Variants in DYRK1B observed in about 807,000 individuals in gnomAD.
The protein encoded by DYRK1B is dual specificity tyrosine-phosphorylation-regulated kinase 1B.
In DYRK1B, 20 loss-of-function variants were observed where a neutral mutation model predicts 57.1. The observed-to-expected ratio is 0.35, with a 90% confidence interval of 0.25 to 0.51. DYRK1B has a LOEUF of 0.51. DYRK1B is among the 20% of genes least tolerant of loss of function. The probability of loss-of-function intolerance (pLI) is 0.96; values close to 1 mark genes in which losing one functional copy is unlikely to be tolerated. For synonymous variants in DYRK1B, 409 were observed against 384.7 expected (o/e 1.06, Z -0.74); for missense variants, 732 against 886.3 (o/e 0.83, Z 2.21).
Position 39,826,277 on chromosome 19 carries a change from C to T in DYRK1B, c.1421G>A (p.Ser474Asn). The change falls in exon 10 of 11, where the codon AGT (serine) becomes AAT (asparagine). Residue 474 changes from serine to asparagine, a missense_variant. Physicochemically the swap from Ser to Asn is conservative, Grantham distance 46 (BLOSUM62 1). This residue lies in a region of DYRK1B where 510 missense variants were observed against 681.3 expected (regional missense o/e 0.75). Transcript: ENST00000323039. This position sits in a 1 kb window ranked among gnomAD's most constrained non-coding sequence, Gnocchi z 6.3. ...ASSISSSGGS[S>N]GSSSDNRTYR... ...GGTCCGGTTGTCACTGGAGGAGCCA[C>T]TGGAGCCTCCTGGAAGTGCCAGGGA... is the stretch of plus-strand genomic sequence containing the variant. 1.9e-6 allele frequency: 3 copies of T among 1,576,732 alleles called. No homozygotes were observed. The highest frequency in any genetic ancestry group is 2.6e-6 in the Non-Finnish European group (3 of 1,165,908).
chr19:39,827,014 G>GCCC, intron 8 of DYRK1B, 27 bp from the exon 9 acceptor site: 5 of 419,588 alleles, frequency 1.2e-5, no homozygotes, highest in African/African-American at 2.2e-5. Context: ...GGGAGGGGGG[G>GCCC]CAAGAGAGTG....
At position 39,828,600 on chromosome 19, in the gene DYRK1B, G is replaced by A. The variant is rs1382224795; in HGVS notation, c.521-17C>T. ...TCAGGTGTACTGCGGGGGAGGGGAGGAAATGGGCCAGAGAAGAAACGGCTC... is the reference window on the plus strand; with the variant it reads ...TCAGGTGTACTGCGGGGGAGGGGAGAAAATGGGCCAGAGAAGAAACGGCTC... On this transcript the variant is annotated splice_polypyrimidine_tract_variant and intron_variant, in intron 5 of 10. Transcript: ENST00000323039. The surrounding 1 kb of genome is among the most constrained non-coding windows in gnomAD (Gnocchi z 4.3). 13 of 1,597,736 alleles carry A rather than the reference G, an allele frequency of 8.1e-6. No homozygotes were observed. The highest frequency in any genetic ancestry group is 6.7e-5 in the East Asian group (3 of 44,450).
Position 39,826,181 on chromosome 19 carries a change from TG to T in DYRK1B, c.1516del (p.Gln506ArgfsTer58). The stretch of plus-strand genomic sequence containing the variant: ...CCAAAGCCCCCAAAGCCCCATTACC[TG>T]GGGGCTGTTCATCTCACAGTCTGTG... The part of the protein sequence containing the change: ...PITDCEMNSP[Q>X]VPPSQPLRPW... On this transcript the variant is annotated frameshift_variant and splice_region_variant, in exon 10 of 11. Transcript: ENST00000323039. LOFTEE classifies it high-confidence loss of function. The surrounding 1 kb of genome is among the most constrained non-coding windows in gnomAD (Gnocchi z 6.3). 1 of 1,586,936 alleles carries T rather than the reference TG, an allele frequency of 6.3e-7. No individual in the cohort carries two copies. Among genetic ancestry groups the T allele is most frequent in the South Asian group, 1.2e-5 (1 of 86,630 alleles).
chr19:39,830,283 G>A, intron 4 of DYRK1B, 92 bp downstream of exon 4: 2 of 1,512,072 alleles, frequency 1.3e-6, no homozygotes, highest in Non-Finnish European at 1.8e-6. Context: ...TAGGGTGAGT[G>A]GCCCAGCATG....
Position 39,825,456 on chromosome 19 carries a change from C to T in DYRK1B, c.*259G>A, listed in dbSNP as rs1968480802. 2.0e-6 allele frequency: 1 copy of T among 501,416 alleles called. No individual in the cohort carries two copies. Among genetic ancestry groups the T allele is most frequent in the Non-Finnish European group, 3.5e-6 (1 of 281,742 alleles). The allele number at this position is 501,416 out of a possible 1,614,324, so 31.1% of individuals were successfully genotyped here. ...CCTGGGGTGAGGGGGGGTCTTCCCT[C>T]CACCGGACCACCACTGTCTTTGGTA... On this transcript the variant is annotated 3_prime_UTR_variant, in exon 11 of 11. Coordinates refer to ENST00000323039, the MANE Select transcript of DYRK1B (RefSeq NM_004714.3).
rs1171530910 is a variant in DYRK1B, at chr19:39,828,229, T to A, written c.807+68A>T. On this transcript the variant is annotated intron_variant, in intron 6 of 10. Coordinates refer to ENST00000323039, the MANE Select transcript of DYRK1B (RefSeq NM_004714.3). This position sits in a 1 kb window ranked among gnomAD's most constrained non-coding sequence, Gnocchi z 4.3. ...TCCCATCCCAGCCAAGCCCCGCCCC[T>A]AAGCCTCCCGTTGGCTCTGCCCCAC... The A allele has an allele frequency of 1.4e-5, 21 of 1,496,288 alleles. No homozygotes were observed. Among genetic ancestry groups the A allele is most frequent in the Non-Finnish European group, 1.7e-5 (19 of 1,094,842 alleles). The allele number at this position is 1,496,288 out of a possible 1,614,324, so 92.7% of individuals were successfully genotyped here.
At position 39,833,269 on chromosome 19, in the gene DYRK1B, G is replaced by A. The variant is rs561912679; in HGVS notation, c.-102+754C>T. ...CTCTCCCAGCCCCCACCCCCTACCC[G>A]GGTCAGGGCTGGCGCGGGGCCCACG... On this transcript the variant is annotated intron_variant, in intron 1 of 10. Transcript: ENST00000323039. The A allele has an allele frequency of 9.2e-5, 91 of 985,462 alleles. No individual in the cohort carries two copies. The African/African-American group carries it at 1.5e-3, about 16-fold the overall frequency. 61.0% of individuals were successfully genotyped at this position (985,462 alleles called of 1,614,324 possible). A position where few individuals can be genotyped will look rare whatever the true frequency, so the allele number is the denominator to read the frequency against.
intron 5 of DYRK1B, 36 bp downstream of exon 5, chr19:39,829,844 C>T (rs368137206): frequency 1.7e-4 from 273 of 1,605,770 alleles, no homozygotes; most frequent in Non-Finnish European, 2.2e-4. Flanking sequence ...TCCCGCTATC[C>T]CAGGTGCCCA....
In DYRK1B at chr19:39,829,994, G is replaced by A. The variant is rs1338065256; in HGVS notation, c.406C>T (p.Leu136Phe). 1 of 1,614,092 alleles carries A rather than the reference G, an allele frequency of 6.2e-7. No individual in the cohort carries two copies. Among genetic ancestry groups the A allele is most frequent in the South Asian group, 1.1e-5 (1 of 91,078 alleles). ...TTCTTGATGATCTTGATGGCCACAA[G>A]CTCCTGGGTCTGATGATCATAGGCT... Reference protein sequence around the residue: ...VKAYDHQTQELVAIKIIKNKK... With the variant: ...VKAYDHQTQEFVAIKIIKNKK... The change falls in exon 5 of 11, where the codon CTT becomes TTT. Residue 136 changes from leucine (L) to phenylalanine (F), a missense_variant. This residue lies in a region of DYRK1B where 510 missense variants were observed against 681.3 expected (regional missense o/e 0.75). Coordinates refer to ENST00000323039, the MANE Select transcript of DYRK1B (RefSeq NM_004714.3).
chr19:39,832,018 G>T lies in DYRK1B; in HGVS notation c.-101-50C>A, dbSNP rs1203958660. 3 of 1,395,504 alleles carry T rather than the reference G, an allele frequency of 2.1e-6. No homozygotes were observed. The East Asian group carries it at 8.4e-5, about 39-fold the overall frequency. The allele number at this position is 1,395,504 out of a possible 1,614,324, so 86.4% of individuals were successfully genotyped here. A position where few individuals can be genotyped will look rare whatever the true frequency, so the allele number is the denominator to read the frequency against. ...AACAACATGGAACAAGGGGATATGTGAATAGTGCCAGGCGGGGAAGAGTGG... is the reference window on the plus strand; with the variant it reads ...AACAACATGGAACAAGGGGATATGTTAATAGTGCCAGGCGGGGAAGAGTGG... On this transcript the variant is annotated intron_variant, in intron 1 of 10. Transcript: ENST00000323039.
Position 39,825,770 on chromosome 19 carries a change from A to C in DYRK1B, c.1835T>G (p.Leu612Arg). 6.4e-7 allele frequency: 1 copy of C among 1,573,762 alleles called. No homozygotes were observed. The highest frequency in any genetic ancestry group is 8.6e-7 in the Non-Finnish European group (1 of 1,160,472). Residue 612 changes from leucine to arginine, a missense_variant, in exon 11 of 11, where the codon CTG becomes CGG. Physicochemically the swap from Leu to Arg is moderately radical, Grantham distance 102. Coordinates refer to ENST00000323039, the MANE Select transcript of DYRK1B (RefSeq NM_004714.3). ...PLPPPDDPAT[L>R]GPHLGLRGVP... ...ACCACGGAGGCCCAGGTGAGGCCCC[A>C]GAGTGGCAGGGTCATCAGGAGGCGG... is the stretch of plus-strand genomic sequence containing the variant.
At chr19:39,832,369 C>T (rs1346175028) in intron 1 of DYRK1B, among the ~76,000 whole-genome samples, 4 of 152,070 alleles carry the variant, frequency 2.6e-5, no homozygotes, top group Non-Finnish European at 4.4e-5. Flanking sequence ...CTACTCGTGG[C>T]CCTCCCCAGG....
chr19:39,827,791 A>T, intron 6 of DYRK1B, 135 bp from the exon 7 acceptor site: 1 of 1,123,758 alleles, frequency 8.9e-7, no homozygotes, highest in Non-Finnish European at 1.2e-6. Flanking sequence ...TCCTGCCATT[A>T]TCAGCACCAA....
At chr19:39,827,453 C>G in intron 7 of DYRK1B, 28 bp from the exon 8 acceptor site, 1 of 1,608,860 alleles carries the variant, frequency 6.2e-7, no homozygotes, top group Non-Finnish European at 8.5e-7. Flanking sequence ...TCAAGGTCAT[C>G]AGGCCAGCCA....
Position 39,825,366 on chromosome 19 carries a change from A to G in DYRK1B, c.*349T>C, listed in dbSNP as rs1204887475. The stretch of plus-strand genomic sequence containing the variant: ...AGGCAGGCATGTGAGAAAGCTCTTT[A>G]CTGGGGGTACAGCGAGGAGGAGCAA... On this transcript the variant is annotated 3_prime_UTR_variant, in exon 11 of 11. Coordinates refer to ENST00000323039, the MANE Select transcript of DYRK1B (RefSeq NM_004714.3). 3 of 239,052 alleles carry G rather than the reference A, an allele frequency of 1.3e-5. No homozygotes were observed. In the East Asian group the frequency reaches 3.0e-4, roughly 24 times the overall value. 14.8% of individuals were successfully genotyped at this position (239,052 alleles called of 1,614,324 possible). A position where few individuals can be genotyped will look rare whatever the true frequency, so the allele number is the denominator to read the frequency against.
At chr19:39,833,133 T>C (rs1968901715) in intron 1 of DYRK1B, 4 of 985,630 alleles carry the variant, frequency 4.1e-6, no homozygotes, top group South Asian at 9.4e-5. Context: ...CTCTCCCCCA[T>C]GTCAAATCCC....
chr19:39,825,896 C>T lies in DYRK1B; in HGVS notation c.1709G>A (p.Gly570Asp). Residue 570 changes from glycine to aspartate, a missense_variant, in exon 11 of 11, where the codon GGC (glycine) becomes GAC (aspartate). By Grantham distance (94) the Gly-to-Asp change is moderately conservative. Transcript: ENST00000323039. ...AGGTGGGGAGCAGTCAGCAGGGCCGCCCACCAGGCTCACATCCATCAGCTC... is the reference window on the plus strand; with the variant it reads ...AGGTGGGGAGCAGTCAGCAGGGCCGTCCACCAGGCTCACATCCATCAGCTC... ...PPELMDVSLV[G>D]GPADCSPPHP... is the part of the protein sequence containing the mutation. 1 of 1,577,424 alleles carries T rather than the reference C, an allele frequency of 6.3e-7. No homozygotes were observed. The highest frequency in any genetic ancestry group is 8.6e-7 in the Non-Finnish European group (1 of 1,163,062).
chr19:39,830,194 A>G (rs559495338), intron 4 of DYRK1B, 167 bp from the exon 5 acceptor site: 33 of 1,147,586 alleles, frequency 2.9e-5, no homozygotes, highest in East Asian at 1.7e-4. Context: ...GTGAAATAAC[A>G]TAACGACCTT....
Position 39,828,348 on chromosome 19 carries a change from G to A in DYRK1B, c.756C>T (p.Arg252=), listed in dbSNP as rs1251016734. 4.3e-6 allele frequency: 7 copies of A among 1,614,234 alleles called. No homozygotes were observed. The South Asian group carries it at 4.4e-5, about 10-fold the overall frequency. ...CGAAGTCCACAATCTTGATGGCGCTGCGCTTGGGGTTGCACAGCAAGATGT... is the reference window on the plus strand; with the variant it reads ...CGAAGTCCACAATCTTGATGGCGCTACGCTTGGGGTTGCACAGCAAGATGT... ...PENILLCNPK[R]SAIKIVDFGS... Residue 252 remains arginine (R), a synonymous_variant, in exon 6 of 11, where the codon CGC becomes CGT. Transcript: ENST00000323039. This position sits in a 1 kb window ranked among gnomAD's most constrained non-coding sequence, Gnocchi z 4.3.
Sources: gnomAD v4.1 joint callset for allele counts (sites outside exome capture counted in the v4.1 genomes callset) on GRCh38, gnomAD v4.1.1 for gene constraint, gnomAD v4.1.1 regional missense constraint, Gnocchi (gnomAD v3.1) non-coding constraint, MANE v1.5 for transcripts, NCBI Gene and HGNC (gene_info 2026-07-23, HGNC 2026-07-21) for gene names.